Variants in CEMIP observed in about 807,000 individuals in gnomAD.
The protein encoded by CEMIP is cell migration-inducing and hyaluronan-binding protein.
CEMIP carries 105 observed loss-of-function variants against 156.9 expected under a neutral mutation model. The observed-to-expected ratio is 0.67, with a 90% CI of 0.57 to 0.79. CEMIP has a LOEUF of 0.79. CEMIP is among the 30% of genes least tolerant of loss of function. The pLI, the probability that CEMIP is intolerant of heterozygous loss-of-function variation, is 0.00. For missense variants in CEMIP, 1,457 were observed against 1,769.4 expected (o/e 0.82, Z 3.17); for synonymous variants, 676 against 668.4 (o/e 1.01, Z -0.17).
intron 1 of CEMIP, among the ~76,000 whole-genome samples, chr15:80,801,477 G>A (rs1896376419): frequency 6.6e-6 from 1 of 152,216 alleles, no homozygotes; most frequent in African/African-American, 2.4e-5. Context: ...GAGAAGGAAA[G>A]CATGCATGGC....
intron 10 of CEMIP, among the ~76,000 whole-genome samples, chr15:80,893,037 A>C (rs1459281292): frequency 6.6e-6 from 1 of 152,100 alleles, no homozygotes; most frequent in Non-Finnish European, 1.5e-5. Flanking sequence ...AAATACAAAA[A>C]TTAGCTGGGT....
At chr15:80,887,877 T>C (rs956262676) in intron 8 of CEMIP, 113 bp downstream of exon 8, 1 of 897,176 alleles carries the variant, frequency 1.1e-6, no homozygotes, top group Non-Finnish European at 1.8e-6. Flanking sequence ...CAGCTCCCAA[T>C]GTCTAGATGA....
chr15:80,782,167 T>A (rs1054227861), intron 1 of CEMIP, among the ~76,000 whole-genome samples: 1 of 152,238 alleles, frequency 6.6e-6, no homozygotes, highest in Admixed American at 6.5e-5. Flanking sequence ...CTGGTTCAGA[T>A]GATCAATTTT....
intron 1 of CEMIP, among the ~76,000 whole-genome samples, chr15:80,781,829 G>C (rs1596083886): frequency 6.6e-6 from 1 of 152,194 alleles, no homozygotes; most frequent in Admixed American, 6.5e-5. Context: ...GCTGAGCATA[G>C]AGAAATCGTT....
intron 1 of CEMIP, among the ~76,000 whole-genome samples, chr15:80,781,845 T>A (rs547220107): frequency 1.2e-3 from 182 of 152,340 alleles, no homozygotes; most frequent in African/African-American, 4.2e-3. Flanking sequence ...TCGTTTTAAA[T>A]GGTAGCAATT....
chr15:80,807,713 A>G (rs558031932), intron 1 of CEMIP, among the ~76,000 whole-genome samples: 3 of 152,380 alleles, frequency 2.0e-5, no homozygotes, highest in African/African-American at 4.8e-5. Flanking sequence ...ACATTGAGTC[A>G]TCAAAAGGTT....
At chr15:80,947,837 G>A (rs1312781545) in intron 29 of CEMIP, 1 of 152,180 alleles carries the variant, frequency 6.6e-6, no homozygotes, top group Non-Finnish European at 1.5e-5. Context: ...TTTAAGATGA[G>A]GACACCAAGA....
chr15:80,898,687 A>C (rs1258972998), intron 12 of CEMIP, among the ~76,000 whole-genome samples: 1 of 152,162 alleles, frequency 6.6e-6, no homozygotes, highest in African/African-American at 2.4e-5. Context: ...TGCCAGGATT[A>C]CAAGCATAAG....
chr15:80,876,721 T>G (rs183236459), intron 3 of CEMIP, among the ~76,000 whole-genome samples: 7 of 152,210 alleles, frequency 4.6e-5, no homozygotes, highest in South Asian at 2.1e-4. Flanking sequence ...GACAACTCAG[T>G]GTGGGTGTGG....
At chr15:80,839,024 CGTCTTG>C (rs1208715385) in intron 1 of CEMIP, among the ~76,000 whole-genome samples, 3 of 152,092 alleles carry the variant, frequency 2.0e-5, no homozygotes, top group Non-Finnish European at 2.9e-5. Context: ...CACCCGCAGG[CGTCTTG>C]GTTGGCAGCT....
chr15:80,815,177 G>A (rs1351792415), intron 1 of CEMIP, among the ~76,000 whole-genome samples: 1 of 152,238 alleles, frequency 6.6e-6, no homozygotes, highest in East Asian at 1.9e-4. Context: ...CTGGGAGAAC[G>A]GCATTCTTAT....
rs1241022204 is a variant in CEMIP at position 80,925,676 on chromosome 15, A to G, written c.2341A>G (p.Ile781Val). ...GCTGAAGCCCCGGGAGCCGGCCATC[A>G]TCAGACACTTCATTGCCTACAAGAA... Reference protein sequence around the residue: ...DPLKPREPAIIRHFIAYKNQD... With the variant: ...DPLKPREPAIVRHFIAYKNQD... The change falls in exon 19 of 30, where the codon ATC becomes GTC. Residue 781 changes from isoleucine (I) to valine (V), a missense_variant. Physicochemically the swap from Ile to Val is conservative, Grantham distance 29 (BLOSUM62 3). Transcript: ENST00000394685. The G allele has an allele frequency of 3.1e-6, 5 of 1,613,838 alleles. No homozygotes were observed. The highest frequency in any genetic ancestry group is 1.7e-4 in the Middle Eastern group (1 of 6,060).
intron 1 of CEMIP, among the ~76,000 whole-genome samples, chr15:80,868,966 C>T (rs184194538): frequency 6.6e-5 from 10 of 152,286 alleles, no homozygotes; most frequent in East Asian, 3.9e-4. Flanking sequence ...CAAAGTAGCA[C>T]GGACTGGGTG....
intron 1 of CEMIP, among the ~76,000 whole-genome samples, chr15:80,871,930 G>T (rs1898306781): frequency 6.6e-6 from 1 of 152,198 alleles, no homozygotes; most frequent in Non-Finnish European, 1.5e-5. Flanking sequence ...GGGCCCTGTT[G>T]TTCTCGGCAG....
chr15:80,794,555 AT>A (rs1194705217), intron 1 of CEMIP, among the ~76,000 whole-genome samples: 2 of 152,270 alleles, frequency 1.3e-5, no homozygotes, highest in East Asian at 3.8e-4. Context: ...ATTAATTTTA[AT>A]AATATACTTT....
chr15:80,812,446 C>T (rs966485505), intron 1 of CEMIP, among the ~76,000 whole-genome samples: 8 of 152,092 alleles, frequency 5.3e-5, no homozygotes, highest in Non-Finnish European at 8.8e-5. Flanking sequence ...CTAGCTCCAC[C>T]GTTAGTCATT....
chr15:80,827,286 T>C (rs1263395926), intron 1 of CEMIP, among the ~76,000 whole-genome samples: 1 of 151,776 alleles, frequency 6.6e-6, no homozygotes, highest in African/African-American at 2.4e-5. Context: ...TGGGAGTGAG[T>C]AGTGGGAGAA....
chr15:80,825,848 T>A (rs1166931845), intron 1 of CEMIP, among the ~76,000 whole-genome samples: 1 of 152,186 alleles, frequency 6.6e-6, no homozygotes, highest in African/African-American at 2.4e-5. Flanking sequence ...GTGCTGTTGC[T>A]CCGACTGTCC....
Position 80,949,155 on chromosome 15 carries a change from A to C in CEMIP, c.*231A>C, listed in dbSNP as rs779631720. 3.4e-6 allele frequency: 2 copies of C among 590,176 alleles called. No individual in the cohort carries two copies. The highest frequency in any genetic ancestry group is 6.0e-5 in the East Asian group (2 of 33,298). The allele number at this position is 590,176 out of a possible 1,614,324, so 36.6% of individuals were successfully genotyped here. A position where few individuals can be genotyped will look rare whatever the true frequency, so the allele number is the denominator to read the frequency against. ...GGCGGTGCTGGCCAATGCTGGAAAC[A>C]TTCACTTTCCTGCAGCCTCTTGGGT... On this transcript the variant is annotated 3_prime_UTR_variant, in exon 30 of 30. Transcript: ENST00000394685.
Sources: gnomAD v4.1 joint callset for allele counts (sites outside exome capture counted in the v4.1 genomes callset) on GRCh38, gnomAD v4.1.1 for gene constraint, MANE v1.5 for transcripts, NCBI Gene and HGNC (gene_info 2026-07-23, HGNC 2026-07-21) for gene names.